BRIP1: variants seen among roughly 807,000 people sequenced by gnomAD.
BRIP1 encodes the protein BRCA1 interacting DNA helicase 1.
A neutral mutation model predicts 119.7 loss-of-function variants in BRIP1; 88 were observed. The ratio of observed to expected loss-of-function variants is 0.74; its 90% CI spans 0.62 to 0.88. The LOEUF is 0.88. Among genes scored for constraint, BRIP1 ranks in the 40% least tolerant of loss-of-function variants. The probability of loss-of-function intolerance (pLI) is 0.00; values close to 1 mark genes in which losing one functional copy is unlikely to be tolerated. For missense variants in BRIP1, 1,259 were observed against 1,455.4 expected (o/e 0.87, Z 2.20); for synonymous variants, 443 against 496.5 (o/e 0.89, Z 1.43).
chr17:61,791,124 T>C (rs1603339572), intron 10 of BRIP1, among the ~76,000 whole-genome samples: 2 of 152,140 alleles, frequency 1.3e-5, no homozygotes, highest in East Asian at 3.8e-4. Flanking sequence ...TGTGATCATG[T>C]TGGCAATTAT....
At position 61,704,689 on chromosome 17, in the gene BRIP1, T is replaced by C. The variant is rs2061665307; in HGVS notation, c.2493-11177A>G. The stretch of plus-strand genomic sequence containing the variant: ...TTATCTATTTCATCTTGGGTGAATT[T>C]TGGTATTTTGTGGGTTTTGTGGAAT... On this transcript the variant is annotated intron_variant, in intron 17 of 19. Coordinates refer to ENST00000259008, the MANE Select transcript of BRIP1 (RefSeq NM_032043.3). The surrounding 1 kb of genome is among the most constrained non-coding windows in gnomAD (Gnocchi z 5.7). Among the ~76,000 whole-genome samples, 4 of 152,172 alleles carry C rather than the reference T, an allele frequency of 2.6e-5. No individual in the cohort carries two copies. In the South Asian group the frequency reaches 6.2e-4, roughly 24 times the overall value.
chr17:61,822,042 G>A lies in BRIP1; in HGVS notation c.628-13285C>T, dbSNP rs1358022374. ...TCAGAAGAATCAGTAATAGCCACCA[G>A]TAAAAGAACTAAATGACAGAAGACA... On this transcript the variant is annotated intron_variant, in intron 6 of 19. Coordinates refer to ENST00000259008, the MANE Select transcript of BRIP1 (RefSeq NM_032043.3). This position sits in a 1 kb window ranked among gnomAD's most constrained non-coding sequence, Gnocchi z 4.4. 2.0e-5 allele frequency among the ~76,000 whole-genome samples: 3 copies of A among 152,188 alleles called. No homozygotes were observed. The highest frequency in any genetic ancestry group is 2.0e-4 in the Admixed American group (3 of 15,280).
intron 14 of BRIP1, among the ~76,000 whole-genome samples, chr17:61,749,122 C>T (rs550530711): frequency 5.0e-4 from 66 of 132,566 alleles, no homozygotes; most frequent in African/African-American, 1.9e-3. Flanking sequence ...GGCGACAGAG[C>T]GAGACTCTGT....
At position 61,760,812 on chromosome 17, in the gene BRIP1, T is replaced by G. The variant is rs1473181976; in HGVS notation, c.2097+15589A>C. Among the ~76,000 whole-genome samples the G allele has an allele frequency of 6.6e-6, 1 of 152,064 alleles. No homozygotes were observed. Among genetic ancestry groups the G allele is most frequent in the Admixed American group, 6.6e-5 (1 of 15,236 alleles). Reference sequence around the variant, plus strand: ...CAAGACCTGTTGGCTCACTGCTGAATTCTACCTAACAGTTAAAGAACTAAT... The same window carrying G: ...CAAGACCTGTTGGCTCACTGCTGAAGTCTACCTAACAGTTAAAGAACTAAT... On this transcript the variant is annotated intron_variant, in intron 14 of 19. Transcript: ENST00000259008. The surrounding 1 kb of genome is among the most constrained non-coding windows in gnomAD (Gnocchi z 4.6).
chr17:61,783,568 TACC>T (rs932949657), intron 11 of BRIP1, among the ~76,000 whole-genome samples: 2 of 152,010 alleles, frequency 1.3e-5, no homozygotes, highest in African/African-American at 4.8e-5. Context: ...ATGTATATTT[TACC>T]ACAATAAAAA....
Position 61,802,393 on chromosome 17 carries a change from G to A in BRIP1, c.919-919C>T, listed in dbSNP as rs965981703. ...GAGGATCACTTCAGCCCAGGAGTTCGAGGATGCAGTGAGCCATGATCAAGC... is the reference window on the plus strand; with the variant it reads ...GAGGATCACTTCAGCCCAGGAGTTCAAGGATGCAGTGAGCCATGATCAAGC... On this transcript the variant is annotated intron_variant, in intron 7 of 19. Transcript: ENST00000259008. This position sits in a 1 kb window ranked among gnomAD's most constrained non-coding sequence, Gnocchi z 6.0. 3.3e-5 allele frequency among the ~76,000 whole-genome samples: 5 copies of A among 152,098 alleles called. No individual in the cohort carries two copies. The highest frequency in any genetic ancestry group is 9.7e-5 in the African/African-American group (4 of 41,396).
At chr17:61,801,525 G>C (rs1346171144) in intron 7 of BRIP1, 51 bp from the exon 8 acceptor site, 2 of 1,433,356 alleles carry the variant, frequency 1.4e-6, no homozygotes, top group Non-Finnish European at 2.0e-6. Context: ...AGCATAGAAG[G>C]AATAAAATAA....
intron 16 of BRIP1, among the ~76,000 whole-genome samples, chr17:61,727,502 C>CA (rs770471300): frequency 2.0e-5 from 3 of 152,058 alleles, no homozygotes; most frequent in Non-Finnish European, 4.4e-5. Context: ...TGTGGTGGCT[C>CA]ACGTTTATAA....
rs553470354 is a variant in BRIP1, at chr17:61,828,856, G to A, written c.627+18245C>T. On this transcript the variant is annotated intron_variant, in intron 6 of 19. Coordinates refer to ENST00000259008, the MANE Select transcript of BRIP1 (RefSeq NM_032043.3). The surrounding 1 kb of genome is among the most constrained non-coding windows in gnomAD (Gnocchi z 4.1). ...GCACAAAACATGGGAGAGTAGACAC[G>A]GAAGTATATTGGCAGAAGGTTCTTA... Among the ~76,000 whole-genome samples the A allele has an allele frequency of 1.5e-3, 232 of 152,244 alleles. No homozygotes were observed. The highest frequency in any genetic ancestry group is 5.3e-3 in the African/African-American group (220 of 41,552).
At chr17:61,858,145 A>T (rs1314121235) in intron 3 of BRIP1, among the ~76,000 whole-genome samples, 1 of 152,172 alleles carries the variant, frequency 6.6e-6, no homozygotes, top group South Asian at 2.1e-4. Flanking sequence ...GTGTGCCTAC[A>T]TTGTATACAA....
rs587781559 is a variant in BRIP1 at position 61,780,853 on chromosome 17, A to G, written c.1781T>C (p.Leu594Ser). The change falls in exon 12 of 20, where the codon TTA becomes TCA. Residue 594 changes from leucine to serine, a missense_variant. By Grantham distance (145) the Leu-to-Ser change is moderately radical. Transcript: ENST00000259008. This position sits in a 1 kb window ranked among gnomAD's most constrained non-coding sequence, Gnocchi z 5.4. ...TAVHVLNFWC[L>S]NPAVAFSDIN... is the part of the protein sequence containing the mutation. ...TGATGAGCTTACCACAGCTGGATTT[A>G]AGCACCAAAAGTTTAGCACATGAAC... 6.2e-7 allele frequency: 1 copy of G among 1,614,202 alleles called. No homozygotes were observed. Among genetic ancestry groups the G allele is most frequent in the Non-Finnish European group, 8.5e-7 (1 of 1,180,026 alleles).
At chr17:61,707,231 T>C (rs1249269592) in intron 17 of BRIP1, among the ~76,000 whole-genome samples, 1 of 152,192 alleles carries the variant, frequency 6.6e-6, no homozygotes, top group African/African-American at 2.4e-5. Flanking sequence ...TCTATTTTTT[T>C]GGTTTCAGTG....
intron 6 of BRIP1, among the ~76,000 whole-genome samples, chr17:61,840,301 T>G: frequency 7.3e-6 from 1 of 137,076 alleles, no homozygotes; most frequent in East Asian, 2.1e-4. Context: ...GAAGTTGCAG[T>G]GAGCCGAGAT....
Position 61,780,743 on chromosome 17 carries a change from C to CAACAAA in BRIP1, c.1794+96_1794+97insTTTGTT. 2 of 1,418,358 alleles carry CAACAAA rather than the reference C, an allele frequency of 1.4e-6. 1 individual carries two copies. The highest frequency in any genetic ancestry group is 3.4e-5 in the Admixed American group (2 of 59,378). 87.9% of individuals were successfully genotyped at this position (1,418,358 alleles called of 1,614,324 possible). A position where few individuals can be genotyped will look rare whatever the true frequency, so the allele number is the denominator to read the frequency against. ...CCCTGCCTCAAAACAACAACAACAA[C>CAACAAA]AACAACAAACAACTATCTTTAAAAG... On this transcript the variant is annotated intron_variant, in intron 12 of 19. Transcript: ENST00000259008. The surrounding 1 kb of genome is among the most constrained non-coding windows in gnomAD (Gnocchi z 5.4).
chr17:61,845,564 T>C lies in BRIP1; in HGVS notation c.627+1537A>G, dbSNP rs74419252. Among the ~76,000 whole-genome samples the C allele has an allele frequency of 0.16, 24,239 of 152,198 alleles. 2,483 individuals carry two copies. The highest frequency in any genetic ancestry group is 0.55 in the East Asian group (2,841 of 5,160). ...GCCAAGCTCAGAGTATATACAAATT[T>C]TTTAAAATTCTGATTTTCACTTGAA... On this transcript the variant is annotated intron_variant, in intron 6 of 19. Coordinates refer to ENST00000259008, the MANE Select transcript of BRIP1 (RefSeq NM_032043.3). The surrounding 1 kb of genome is among the most constrained non-coding windows in gnomAD (Gnocchi z 4.2).
chr17:61,810,789 G>A lies in BRIP1; in HGVS notation c.628-2032C>T, dbSNP rs994710873. Among the ~76,000 whole-genome samples the A allele has an allele frequency of 8.6e-5, 13 of 151,790 alleles. No homozygotes were observed. Among genetic ancestry groups the A allele is most frequent in the African/African-American group, 2.9e-4 (12 of 41,304 alleles). ...TTTTAAAAATCAACTATCCCATCAC[G>A]AATAATTTAGTGTATAACTTACTGA... On this transcript the variant is annotated intron_variant, in intron 6 of 19. Transcript: ENST00000259008. The surrounding 1 kb of genome is among the most constrained non-coding windows in gnomAD (Gnocchi z 4.7).
intron 10 of BRIP1, among the ~76,000 whole-genome samples, chr17:61,787,805 C>T (rs1166219098): frequency 2.6e-5 from 4 of 152,018 alleles, no homozygotes; most frequent in African/African-American, 9.7e-5. Flanking sequence ...CCACCACGCC[C>T]GGCTAATTTT....
At chr17:61,835,291 G>A (rs1284214161) in intron 6 of BRIP1, among the ~76,000 whole-genome samples, 1 of 152,096 alleles carries the variant, frequency 6.6e-6, no homozygotes, top group East Asian at 1.9e-4. Flanking sequence ...AGAGAGTTTG[G>A]AGATAAATAG....
Position 61,825,954 on chromosome 17 carries a change from A to C in BRIP1, c.628-17197T>G, listed in dbSNP as rs913754705. Among the ~76,000 whole-genome samples the C allele has an allele frequency of 1.3e-5, 2 of 152,184 alleles. No homozygotes were observed. The highest frequency in any genetic ancestry group is 2.9e-5 in the Non-Finnish European group (2 of 68,032). On this transcript the variant is annotated intron_variant, in intron 6 of 19. Transcript: ENST00000259008. This position sits in a 1 kb window ranked among gnomAD's most constrained non-coding sequence, Gnocchi z 4.1. ...GAGCCCAAAAAGCCAAGGCAACCCTAAGCAAAAAGAACAAAGCTGGAGGCA... is the reference window on the plus strand; with the variant it reads ...GAGCCCAAAAAGCCAAGGCAACCCTCAGCAAAAAGAACAAAGCTGGAGGCA...
Sources: allele counts gnomAD v4.1 joint callset (sites outside exome capture counted in the v4.1 genomes callset), GRCh38; gene constraint gnomAD v4.1.1; non-coding constraint Gnocchi (gnomAD v3.1); transcripts MANE v1.5; gene names NCBI Gene and HGNC (gene_info 2026-07-23, HGNC 2026-07-21).